Variants in IREB2 observed in about 807,000 individuals in gnomAD.
The protein encoded by IREB2 is iron-responsive element-binding protein 2.
In IREB2, 39 loss-of-function variants were observed where a neutral mutation model predicts 118.8. The observed-to-expected ratio is 0.33, with a 90% CI of 0.25 to 0.43. The LOEUF (loss-of-function observed/expected upper bound fraction) is 0.43. Among genes scored for constraint, IREB2 ranks in the 20% least tolerant of loss-of-function variants. The pLI is 1.00. For missense variants in IREB2, 900 were observed against 1,147.3 expected (o/e 0.78, Z 3.11); for synonymous variants, 372 against 392.2 (o/e 0.95, Z 0.61).
At chr15:78,494,402 T>G (rs372312982) in intron 20 of IREB2, 138 bp downstream of exon 20, 1 of 850,362 alleles carries the variant, frequency 1.2e-6, no homozygotes, top group South Asian at 1.8e-5. Context: ...TTTGTTTGTT[T>G]GTTTATTTCA....
chr15:78,476,209 G>T lies in IREB2; in HGVS notation c.1045G>T (p.Ala349Ser), dbSNP rs769620638. The T allele has an allele frequency of 4.4e-6, 7 of 1,595,906 alleles. No individual in the cohort carries two copies. Among genetic ancestry groups the T allele is most frequent in the South Asian group, 2.2e-5 (2 of 89,108 alleles). Residue 349 changes from alanine to serine, a missense_variant, in exon 9 of 22, where the codon GCT (alanine) becomes TCT (serine). Coordinates refer to ENST00000258886, the MANE Select transcript of IREB2 (RefSeq NM_004136.4). The stretch of plus-strand genomic sequence containing the variant: ...ATAGCACCTCAGGCAAGTAGGAGTG[G>T]CTGGAAAGTTTGTTGAGTTTTTTGG... ...ITKHLRQVGVAGKFVEFFGSG... is the reference protein window; with the variant it reads ...ITKHLRQVGVSGKFVEFFGSG...
At chr15:78,482,790 C>T (rs982939834) in intron 10 of IREB2, among the ~76,000 whole-genome samples, 5 of 152,006 alleles carry the variant, frequency 3.3e-5, no homozygotes, top group Middle Eastern at 3.2e-3. Context: ...CTGTGTTACC[C>T]AGGCTGGAGT....
At chr15:78,472,934 TTATATC>T (rs1296424711) in intron 7 of IREB2, among the ~76,000 whole-genome samples, 6 of 152,236 alleles carry the variant, frequency 3.9e-5, no homozygotes, top group Non-Finnish European at 5.9e-5. Context: ...TGGATTCTGT[TTATATC>T]TGTATCTTGA....
chr15:78,482,357 G>C (rs1468168509), intron 10 of IREB2, among the ~76,000 whole-genome samples: 1 of 152,194 alleles, frequency 6.6e-6, no homozygotes, highest in South Asian at 2.1e-4. Context: ...CACATAAAAT[G>C]CATGAAGGAA....
intron 18 of IREB2, among the ~76,000 whole-genome samples, chr15:78,492,482 A>G (rs2051767672): frequency 6.6e-6 from 1 of 152,226 alleles, no homozygotes; most frequent in Non-Finnish European, 1.5e-5. Flanking sequence ...AAACTGGTAA[A>G]TAATCAATTC....
intron 9 of IREB2, among the ~76,000 whole-genome samples, chr15:78,477,876 G>A (rs2051497587): frequency 6.6e-6 from 1 of 152,038 alleles, no homozygotes; most frequent in African/African-American, 2.4e-5. Context: ...GGCTATGATG[G>A]CACCACTGTA....
chr15:78,446,592 G>C (rs1293854923), intron 2 of IREB2, among the ~76,000 whole-genome samples: 1 of 152,096 alleles, frequency 6.6e-6, no homozygotes, highest in Admixed American at 6.6e-5. Flanking sequence ...AGCCTCCTCT[G>C]CCTGCTCACT....
In IREB2 at chr15:78,487,753, G is replaced by A; in HGVS notation, c.1730G>A (p.Gly577Glu). 2 of 1,603,820 alleles carry A rather than the reference G, an allele frequency of 1.2e-6. No homozygotes were observed. The highest frequency in any genetic ancestry group is 1.7e-6 in the Non-Finnish European group (2 of 1,171,186). The change falls in exon 14 of 22, where the codon GGA becomes GAA. Residue 577 changes from glycine to glutamate, a missense_variant. By Grantham distance (98) the Gly-to-Glu change is moderately conservative. Coordinates refer to ENST00000258886, the MANE Select transcript of IREB2 (RefSeq NM_004136.4). ...TGCAGATTTGAAATCGTTGGCTATG[G>A]ATGTTCAATTTGTGTGGGAAATACA... ...SKLGFEIVGY[G>E]CSICVGNTAP...
chr15:78,447,468 T>C (rs1180459342), intron 2 of IREB2, among the ~76,000 whole-genome samples: 1 of 151,994 alleles, frequency 6.6e-6, no homozygotes, highest in Non-Finnish European at 1.5e-5. Context: ...GTAGCTGGGA[T>C]TACAGGTGCG....
chr15:78,471,608 CTA>C (rs2051378637), intron 6 of IREB2, 131 bp from the exon 7 acceptor site: 1 of 484,778 alleles, frequency 2.1e-6, no homozygotes, highest in Admixed American at 4.0e-5. Flanking sequence ...TTGTTTTTAA[CTA>C]TGTGATATGA....
At chr15:78,484,648 G>T in intron 11 of IREB2, 113 bp from the exon 12 acceptor site, 1 of 717,754 alleles carries the variant, frequency 1.4e-6, no homozygotes, top group Non-Finnish European at 2.3e-6. Context: ...CTCACAAAAA[G>T]GATTTTTAAT....
chr15:78,463,228 TG>T (rs1296845761), intron 3 of IREB2, 141 bp downstream of exon 3: 7 of 727,816 alleles, frequency 9.6e-6, no homozygotes, highest in Non-Finnish European at 1.5e-5. Flanking sequence ...CACTTGAGCC[TG>T]GGAGTTTGCA....
chr15:78,486,046 G>T (rs1355135217), intron 13 of IREB2, among the ~76,000 whole-genome samples: 1 of 152,162 alleles, frequency 6.6e-6, no homozygotes, highest in Non-Finnish European at 1.5e-5. Flanking sequence ...CACCAGGTTG[G>T]ATACACAGAA....
chr15:78,479,542 A>T (rs1010341091), intron 10 of IREB2, among the ~76,000 whole-genome samples: 1 of 151,910 alleles, frequency 6.6e-6, no homozygotes, highest in Admixed American at 6.6e-5. Flanking sequence ...CAGCCTATGA[A>T]GTCTAATTTT....
chr15:78,474,730 AATATCTAAT>A (rs2051435707), intron 8 of IREB2: 1 of 152,110 alleles, frequency 6.6e-6, no homozygotes, highest in Non-Finnish European at 1.5e-5. Flanking sequence ...TTTGGTTTGT[AATATCTAAT>A]CTGTGTTTCT....
chr15:78,497,363 T>G (rs754005139), intron 21 of IREB2, 52 bp downstream of exon 21: 2 of 1,291,134 alleles, frequency 1.5e-6, no homozygotes, highest in Non-Finnish European at 2.2e-6. Flanking sequence ...GTTTATGAAT[T>G]ATTGAATAAG....
chr15:78,468,873 G>A (rs948819995), intron 5 of IREB2, among the ~76,000 whole-genome samples: 1 of 152,136 alleles, frequency 6.6e-6, no homozygotes, highest in East Asian at 1.9e-4. Context: ...TGTCCTGGTT[G>A]TTAGGAGCAT....
intron 5 of IREB2, among the ~76,000 whole-genome samples, chr15:78,469,743 A>G (rs538347313): frequency 5.3e-5 from 8 of 152,318 alleles, no homozygotes; most frequent in Admixed American, 2.0e-4. Flanking sequence ...AAGGTTGACA[A>G]TTAAACAACT....
chr15:78,453,704 T>A (rs1257431940), intron 2 of IREB2, among the ~76,000 whole-genome samples: 3 of 152,058 alleles, frequency 2.0e-5, no homozygotes. Flanking sequence ...AGTTGAGAGG[T>A]AGGAACTGTT....
Sources: gnomAD v4.1 joint callset for allele counts (sites outside exome capture counted in the v4.1 genomes callset) on GRCh38, gnomAD v4.1.1 for gene constraint, MANE v1.5 for transcripts, NCBI Gene and HGNC (gene_info 2026-07-23, HGNC 2026-07-21) for gene names.